The following LRRC4C variants were observed in gnomAD, a reference collection of about 807,000 sequenced individuals.
LRRC4C encodes leucine-rich repeat-containing protein 4C.
Under a neutral mutation model 33.6 loss-of-function variants are expected in LRRC4C, and 5 were observed. The ratio of observed to expected loss-of-function variants is 0.15; its 90% confidence interval spans 0.08 to 0.31. The LOEUF (loss-of-function observed/expected upper bound fraction) is 0.31. LRRC4C is among the 10% of genes least tolerant of loss of function. The probability of loss-of-function intolerance (pLI) is 1.00; values close to 1 mark genes in which losing one functional copy is unlikely to be tolerated. For missense variants in LRRC4C, 560 were observed against 796.7 expected (o/e 0.70, Z 3.58); for synonymous variants, 329 against 302.0 (o/e 1.09, Z -0.93).
At chr11:41,199,671 T>A (rs568250093) in intron 1 of LRRC4C, among the ~76,000 whole-genome samples, 17 of 152,202 alleles carry the variant, frequency 1.1e-4, no homozygotes, top group African/African-American at 3.1e-4. Context: ...TGAATGCATC[T>A]CCTCCCACCT....
intron 3 of LRRC4C, among the ~76,000 whole-genome samples, chr11:40,589,227 T>C (rs1174744435): frequency 1.3e-5 from 2 of 150,506 alleles, no homozygotes; most frequent in Non-Finnish European, 3.0e-5. Flanking sequence ...TTTACCATTA[T>C]GTAATGGTCT....
chr11:40,279,905 C>T (rs377155418), intron 4 of LRRC4C, among the ~76,000 whole-genome samples: 4 of 152,214 alleles, frequency 2.6e-5, no homozygotes, highest in East Asian at 1.9e-4. Context: ...ATTTTAAAAT[C>T]TTTAGTATAT....
intron 1 of LRRC4C, among the ~76,000 whole-genome samples, chr11:41,280,568 C>A (rs916472540): frequency 1.3e-4 from 20 of 152,180 alleles, no homozygotes; most frequent in Non-Finnish European, 2.6e-4. Flanking sequence ...ATGATATAGG[C>A]ATGCAGATAT....
rs551677803 is a variant in LRRC4C, at chr11:41,198,127, A to G, written c.-496+261304T>C. ...TTAGGAGTATCTATGACAAAAAATA[A>G]AGAACAAACAATTTTTGCTATGGAT... On this transcript the variant is annotated intron_variant, in intron 1 of 6. Transcript: ENST00000528697. Among the ~76,000 whole-genome samples the G allele has an allele frequency of 1.5e-4, 23 of 152,180 alleles. No individual in the cohort carries two copies. The South Asian group carries it at 4.8e-3, about 32-fold the overall frequency.
intron 3 of LRRC4C, among the ~76,000 whole-genome samples, chr11:40,518,145 A>T (rs1955650053): frequency 6.6e-6 from 1 of 152,220 alleles, no homozygotes; most frequent in African/African-American, 2.4e-5. Flanking sequence ...AAGACCTTAA[A>T]CCATAAAAAT....
At chr11:40,409,337 G>C (rs1167732649) in intron 3 of LRRC4C, among the ~76,000 whole-genome samples, 1 of 151,494 alleles carries the variant, frequency 6.6e-6, no homozygotes, top group Non-Finnish European at 1.5e-5. Context: ...AATTTTTCTG[G>C]GCAATTGATA....
At chr11:40,830,490 G>C (rs536891865) in intron 2 of LRRC4C, among the ~76,000 whole-genome samples, 7 of 152,178 alleles carry the variant, frequency 4.6e-5, no homozygotes, top group African/African-American at 1.7e-4. Flanking sequence ...TAAGTGGTTA[G>C]AGTTCATTTT....
intron 2 of LRRC4C, among the ~76,000 whole-genome samples, chr11:40,649,558 G>A (rs1386338473): frequency 6.6e-6 from 1 of 152,126 alleles, no homozygotes; most frequent in Non-Finnish European, 1.5e-5. Flanking sequence ...AAACACACAT[G>A]TTTTACAATC....
intron 1 of LRRC4C, among the ~76,000 whole-genome samples, chr11:41,253,607 A>G (rs574168878): frequency 1.1e-4 from 17 of 152,254 alleles, no homozygotes; most frequent in African/African-American, 3.8e-4. Flanking sequence ...AAATAGGTAC[A>G]TAACACTAAC....
chr11:40,731,767 G>A (rs1428727355), intron 2 of LRRC4C, among the ~76,000 whole-genome samples: 2 of 152,008 alleles, frequency 1.3e-5, no homozygotes, highest in Admixed American at 6.6e-5. Flanking sequence ...GAAACAGATG[G>A]GGAAGAAAAT....
chr11:40,114,578 T>G lies in LRRC4C; in HGVS notation c.1715A>C (p.Asp572Ala), dbSNP rs1485685013. The G allele has an allele frequency of 1.2e-6, 2 of 1,614,182 alleles. No individual in the cohort carries two copies. Among genetic ancestry groups the G allele is most frequent in the Non-Finnish European group, 1.7e-6 (2 of 1,180,038 alleles). ...PTRTVEIINV[D>A]DEITGDTPME... ...GGGTGTGTCTCCCGTAATCTCATCATCCACATTAATAATTTCAACAGTCCT... is the reference window on the plus strand; with the variant it reads ...GGGTGTGTCTCCCGTAATCTCATCAGCCACATTAATAATTTCAACAGTCCT... The change falls in exon 7 of 7, where the codon GAT (aspartate) becomes GCT (alanine). Residue 572 changes from aspartate to alanine, a missense_variant. Physicochemically the swap from Asp to Ala is moderately radical, Grantham distance 126. This residue lies in a region of LRRC4C where 103 missense variants were observed against 132.1 expected (regional missense o/e 0.78). Coordinates refer to ENST00000528697, the MANE Select transcript of LRRC4C (RefSeq NM_001258419.2).
chr11:41,043,321 T>G (rs1857563856), intron 1 of LRRC4C, among the ~76,000 whole-genome samples: 1 of 152,074 alleles, frequency 6.6e-6, no homozygotes, highest in African/African-American at 2.4e-5. Context: ...AGAAAGAATA[T>G]GTTTTTAAAT....
At chr11:41,057,398 G>C (rs113102706) in intron 1 of LRRC4C, among the ~76,000 whole-genome samples, 1 of 152,282 alleles carries the variant, frequency 6.6e-6, no homozygotes, top group Admixed American at 6.5e-5. Context: ...GATACCTCTC[G>C]ACACCTATAG....
At chr11:40,435,535 G>C (rs1050540654) in intron 3 of LRRC4C, among the ~76,000 whole-genome samples, 1 of 152,048 alleles carries the variant, frequency 6.6e-6, no homozygotes, top group Non-Finnish European at 1.5e-5. Flanking sequence ...ATTGCTAGTA[G>C]GGTAAAGTCC....
intron 2 of LRRC4C, among the ~76,000 whole-genome samples, chr11:40,785,462 G>A (rs1950375400): frequency 1.3e-5 from 2 of 152,126 alleles, no homozygotes; most frequent in East Asian, 1.9e-4. Context: ...ATCTAAAATG[G>A]CATCTCTTGG....
rs571251065 is a variant in LRRC4C at position 40,459,839 on chromosome 11, G to A, written c.-269-140118C>T. Among the ~76,000 whole-genome samples the A allele has an allele frequency of 2.0e-3, 312 of 152,230 alleles. 3 individuals are homozygous for A. The highest frequency in any genetic ancestry group is 7.1e-3 in the African/African-American group (297 of 41,552). ...AGAGCAAGAGCAGCCACCTGTGTGC[G>A]TGCTGGCTACCTTTTCGCCCCTCAA... On this transcript the variant is annotated intron_variant, in intron 3 of 6. Transcript: ENST00000528697.
At chr11:40,959,307 G>A (rs948926862) in intron 1 of LRRC4C, among the ~76,000 whole-genome samples, 1 of 151,602 alleles carries the variant, frequency 6.6e-6, no homozygotes, top group Non-Finnish European at 1.5e-5. Flanking sequence ...GCTATGATAA[G>A]CAAGACATCC....
At chr11:41,277,448 T>A (rs1949519978) in intron 1 of LRRC4C, among the ~76,000 whole-genome samples, 1 of 152,236 alleles carries the variant, frequency 6.6e-6, no homozygotes. Flanking sequence ...AATAATGAAC[T>A]ATTGGAAAAT....
chr11:41,037,105 G>T (rs765975866), intron 1 of LRRC4C, among the ~76,000 whole-genome samples: 2 of 151,866 alleles, frequency 1.3e-5, no homozygotes, highest in Admixed American at 6.6e-5. Flanking sequence ...TTTTCCTTAC[G>T]CAGGCTGGGC....
Sources: allele counts gnomAD v4.1 joint callset (sites outside exome capture counted in the v4.1 genomes callset), GRCh38; gene constraint gnomAD v4.1.1; regional missense constraint gnomAD v4.1.1; transcripts MANE v1.5; gene names NCBI Gene and HGNC (gene_info 2026-07-23, HGNC 2026-07-21).